Variants in RABGAP1L observed in about 807,000 individuals in gnomAD.
RABGAP1L encodes rab GTPase-activating protein 1-like.
A neutral mutation model predicts 137.7 loss-of-function variants in RABGAP1L; 63 were observed. That is an observed-to-expected ratio of 0.46 (90% confidence interval 0.37 to 0.56). The LOEUF (loss-of-function observed/expected upper bound fraction) is 0.56, where lower values mean the gene tolerates loss of function less well. Among genes scored for constraint, RABGAP1L ranks in the 20% least tolerant of loss-of-function variants. RABGAP1L has a pLI of 0.00. For synonymous variants in RABGAP1L, 431 were observed against 433.7 expected, an observed-to-expected ratio of 0.99 and a Z score of 0.08; for missense variants, 1,095 against 1,244.0, an observed-to-expected ratio of 0.88 and a Z score of 1.80.
intron 1 of RABGAP1L, among the ~76,000 whole-genome samples, chr1:174,209,141 C>T (rs886490905): frequency 6.6e-6 from 1 of 152,184 alleles, no homozygotes; most frequent in Non-Finnish European, 1.5e-5. Context: ...AATGCCACTG[C>T]TGATTGGATG....
chr1:174,796,717 T>C (rs1293170878), intron 18 of RABGAP1L, among the ~76,000 whole-genome samples: 1 of 152,154 alleles, frequency 6.6e-6, no homozygotes, highest in African/African-American at 2.4e-5. Context: ...CTCATTAAGA[T>C]AACATATTTT....
chr1:174,514,430 T>TA (rs1662631824), intron 13 of RABGAP1L, among the ~76,000 whole-genome samples: 1 of 152,124 alleles, frequency 6.6e-6, no homozygotes, highest in African/African-American at 2.4e-5. Flanking sequence ...CTGAAAGAGT[T>TA]ATGTATCAGT....
intron 1 of RABGAP1L, among the ~76,000 whole-genome samples, chr1:174,195,563 G>A (rs1363276736): frequency 7.3e-6 from 1 of 137,626 alleles, no homozygotes; most frequent in East Asian, 2.0e-4. Context: ...TTTGGGTAGG[G>A]TTCTTAATCA....
chr1:174,380,970 G>C lies in RABGAP1L; in HGVS notation c.1559+9898G>C, dbSNP rs1166617944. ...TACACACTGCTTTGAATGCGTCCCAGAGATTCTGGTATGTGGTGTCTTTGT... is the reference window on the plus strand; with the variant it reads ...TACACACTGCTTTGAATGCGTCCCACAGATTCTGGTATGTGGTGTCTTTGT... On this transcript the variant is annotated intron_variant, in intron 12 of 25. Coordinates refer to ENST00000681986, the MANE Select transcript of RABGAP1L (RefSeq NM_001366446.1). Among the ~76,000 whole-genome samples, 3 of 115,820 alleles carry C rather than the reference G, an allele frequency of 2.6e-5. No individual in the cohort carries two copies. The East Asian group carries it at 6.9e-4, about 27-fold the overall frequency. 76.0% of individuals were successfully genotyped at this position (115,820 alleles called of 152,430 possible).
chr1:174,805,232 A>C (rs948067632), intron 18 of RABGAP1L, among the ~76,000 whole-genome samples: 2 of 152,216 alleles, frequency 1.3e-5, no homozygotes, highest in Admixed American at 6.5e-5. Flanking sequence ...AGTGCAAAGG[A>C]TACTTACATT....
chr1:174,317,837 C>T (rs1388529217), intron 11 of RABGAP1L, among the ~76,000 whole-genome samples: 2 of 152,106 alleles, frequency 1.3e-5, no homozygotes, highest in Non-Finnish European at 2.9e-5. Flanking sequence ...AGGGATTTCC[C>T]TTTGGCCAGG....
Position 174,448,566 on chromosome 1 carries a change from T to G in RABGAP1L, c.1710+54421T>G, listed in dbSNP as rs1655059787. The G allele has an allele frequency of 6.2e-7, 1 of 1,613,664 alleles. No homozygotes were observed. The highest frequency in any genetic ancestry group is 8.5e-7 in the Non-Finnish European group (1 of 1,179,588). Reference sequence around the variant, plus strand: ...ACCAAGCCTCTTTCCTACAATCAACTGGTCACCCCTTGTCGCTTGAGAATT... The same window carrying G: ...ACCAAGCCTCTTTCCTACAATCAACGGGTCACCCCTTGTCGCTTGAGAATT... On this transcript the variant is annotated intron_variant, in intron 13 of 25. Coordinates refer to ENST00000681986, the MANE Select transcript of RABGAP1L (RefSeq NM_001366446.1). The surrounding 1 kb of genome is among the most constrained non-coding windows in gnomAD (Gnocchi z 4.2).
At chr1:174,835,775 A>G (rs1221581767) in intron 19 of RABGAP1L, among the ~76,000 whole-genome samples, 1 of 152,186 alleles carries the variant, frequency 6.6e-6, no homozygotes, top group African/African-American at 2.4e-5. Flanking sequence ...TTTTATTAGT[A>G]TAGGCATGTG....
chr1:174,858,887 A>G (rs1006508356), intron 19 of RABGAP1L, among the ~76,000 whole-genome samples: 1 of 152,220 alleles, frequency 6.6e-6, no homozygotes, highest in East Asian at 1.9e-4. Context: ...AATTCTGGCT[A>G]TTATTAAAAA....
At chr1:174,232,434 G>A (rs140443266) in intron 4 of RABGAP1L, among the ~76,000 whole-genome samples, 1,712 of 150,818 alleles carry the variant, frequency 0.011, 35 homozygotes, top group African/African-American at 0.037. Flanking sequence ...GCGGTGAGCC[G>A]AGATCATGCC....
intron 13 of RABGAP1L, among the ~76,000 whole-genome samples, chr1:174,600,300 C>G (rs1458556429): frequency 6.6e-6 from 1 of 152,262 alleles, no homozygotes; most frequent in East Asian, 1.9e-4. Context: ...GGGAGACAGC[C>G]AAACCATATC....
intron 15 of RABGAP1L, among the ~76,000 whole-genome samples, chr1:174,694,579 T>C (rs905582310): frequency 7.9e-5 from 12 of 151,848 alleles, no homozygotes; most frequent in African/African-American, 2.7e-4. Flanking sequence ...TGTGCCACAT[T>C]TTCTTAATCC....
chr1:174,846,466 G>A (rs949670911), intron 19 of RABGAP1L, among the ~76,000 whole-genome samples: 1 of 147,666 alleles, frequency 6.8e-6, no homozygotes, highest in Admixed American at 6.9e-5. Context: ...CTTTATTTCT[G>A]CCTTCATTTC....
At chr1:174,712,265 C>T (rs751864618) in intron 17 of RABGAP1L, among the ~76,000 whole-genome samples, 2 of 152,164 alleles carry the variant, frequency 1.3e-5, no homozygotes, top group African/African-American at 2.4e-5. Flanking sequence ...AAGCTTTGTT[C>T]TTTTGCTCTT....
At chr1:174,744,059 A>G (rs1448190249) in intron 17 of RABGAP1L, among the ~76,000 whole-genome samples, 2 of 146,360 alleles carry the variant, frequency 1.4e-5, no homozygotes, top group Non-Finnish European at 3.0e-5. Flanking sequence ...CAATTTGTAT[A>G]CAAGGCTACT....
chr1:174,352,994 G>T (rs1362385938), intron 11 of RABGAP1L, among the ~76,000 whole-genome samples: 8 of 152,112 alleles, frequency 5.3e-5, no homozygotes, highest in African/African-American at 1.9e-4. Flanking sequence ...CCATTTCTGT[G>T]GCCACCACCT....
At chr1:174,600,042 A>G (rs1298148966) in intron 13 of RABGAP1L, among the ~76,000 whole-genome samples, 2 of 152,192 alleles carry the variant, frequency 1.3e-5, no homozygotes, top group Non-Finnish European at 2.9e-5. Flanking sequence ...ACAGTTCGAC[A>G]TGGCTGAGGA....
intron 13 of RABGAP1L, among the ~76,000 whole-genome samples, chr1:174,626,408 T>G (rs188213095): frequency 7.2e-5 from 11 of 152,360 alleles, no homozygotes; most frequent in Non-Finnish European, 1.5e-4. Flanking sequence ...TCATGAATAT[T>G]GACTGCTCTC....
At chr1:174,825,702 G>A (rs1691493607) in intron 19 of RABGAP1L, among the ~76,000 whole-genome samples, 1 of 152,164 alleles carries the variant, frequency 6.6e-6, no homozygotes, top group Admixed American at 6.5e-5. Context: ...GGCCAAAATG[G>A]CAAAACCCCA....
Sources: allele counts gnomAD v4.1 joint callset (sites outside exome capture counted in the v4.1 genomes callset), GRCh38; gene constraint gnomAD v4.1.1; non-coding constraint Gnocchi (gnomAD v3.1); transcripts MANE v1.5; gene names NCBI Gene and HGNC (gene_info 2026-07-23, HGNC 2026-07-21).